Variants in CELF1 observed in about 807,000 individuals in gnomAD.
The protein encoded by CELF1 is 50 kDa nuclear polyadenylated RNA-binding protein.
A neutral mutation model predicts 61.8 loss-of-function variants in CELF1; 10 were observed. That is an observed-to-expected ratio of 0.16 (90% confidence interval 0.10 to 0.27). The LOEUF (loss-of-function observed/expected upper bound fraction) is 0.27, where lower values mean the gene tolerates loss of function less well. Ranked by LOEUF, CELF1 falls within the 10% of genes least tolerant of loss-of-function variation. The probability of loss-of-function intolerance (pLI) is 1.00; values close to 1 mark genes in which losing one functional copy is unlikely to be tolerated. For synonymous variants in CELF1, 236 were observed against 225.1 expected (o/e 1.05, Z -0.43); for missense variants, 380 against 639.1 (o/e 0.59, Z 4.37).
intron 1 of CELF1, among the ~76,000 whole-genome samples, chr11:47,536,405 C>T (rs778741129): frequency 8.5e-5 from 13 of 152,094 alleles, no homozygotes; most frequent in Non-Finnish European, 1.6e-4. Context: ...TAGATAGTTT[C>T]CCAATGCTAT....
At chr11:47,490,850 C>T (rs112299520) in intron 3 of CELF1, among the ~76,000 whole-genome samples, 2,422 of 151,684 alleles carry the variant, frequency 0.016, 51 homozygotes, top group African/African-American at 0.048. Context: ...CTTTTAATTA[C>T]TATATATTTT....
chr11:47,542,496 A>ATTTTT (rs112443041), intron 1 of CELF1, among the ~76,000 whole-genome samples: 1 of 121,808 alleles, frequency 8.2e-6, no homozygotes, highest in Admixed American at 8.5e-5. Flanking sequence ...TACTTTCTCC[A>ATTTTT]TTTTTTTTTT....
chr11:47,548,813 C>T (rs2153751686), intron 1 of CELF1, among the ~76,000 whole-genome samples: 1 of 137,492 alleles, frequency 7.3e-6, no homozygotes, highest in African/African-American at 2.7e-5. Context: ...TTGCAGTGAG[C>T]AGAGATCACA....
At chr11:47,533,752 G>A (rs2096551604) in intron 1 of CELF1, among the ~76,000 whole-genome samples, 1 of 139,828 alleles carries the variant, frequency 7.2e-6, no homozygotes, top group Non-Finnish European at 1.5e-5. Flanking sequence ...AGGGGTTACA[G>A]TGAGCTGAGA....
At chr11:47,508,910 C>G (rs2094794040) in intron 1 of CELF1, among the ~76,000 whole-genome samples, 1 of 152,070 alleles carries the variant, frequency 6.6e-6, no homozygotes, top group Admixed American at 6.6e-5. Context: ...GCTGGGATTA[C>G]AGGCATGCGC....
At chr11:47,528,318 A>C (rs1037579012) in intron 1 of CELF1, among the ~76,000 whole-genome samples, 1 of 152,152 alleles carries the variant, frequency 6.6e-6, no homozygotes, top group African/African-American at 2.4e-5. Context: ...TCATAAATTC[A>C]AAAAACTTCC....
chr11:47,499,625 A>T, intron 2 of CELF1, 21 bp from the exon 3 acceptor site: 2 of 918,552 alleles, frequency 2.2e-6, no homozygotes, highest in Non-Finnish European at 3.3e-6. Context: ...CAAAAAACAC[A>T]AAGTGGAAAC....
Position 47,520,821 on chromosome 11 carries a change from C to T in CELF1, c.-153-19889G>A, listed in dbSNP as rs75338972. On this transcript the variant is annotated intron_variant, in intron 1 of 14. Coordinates refer to ENST00000687097, the MANE Select transcript of CELF1 (RefSeq NM_001376376.1). Reference sequence around the variant, plus strand: ...GAACCAATCTCTTCCTGCGCTCCCCCCCGACCCAAAAAAGGCTAAAATTAA... The same window carrying T: ...GAACCAATCTCTTCCTGCGCTCCCCTCCGACCCAAAAAAGGCTAAAATTAA... Among the ~76,000 whole-genome samples, 889 of 151,808 alleles carry T rather than the reference C, an allele frequency of 5.9e-3. 8 individuals are homozygous for T. Among genetic ancestry groups the T allele is most frequent in the African/African-American group, 0.021 (852 of 41,416 alleles).
chr11:47,553,797 GAAAA>G (rs1210075332), upstream of CELF1, among the ~76,000 whole-genome samples: 1 of 140,446 alleles, frequency 7.1e-6, no homozygotes, highest in African/African-American at 2.5e-5. Flanking sequence ...TGCTTTTACC[GAAAA>G]AAAAATATAT....
chr11:47,487,083 G>A (rs2087821136), intron 5 of CELF1, 76 bp downstream of exon 5: 2 of 1,173,480 alleles, frequency 1.7e-6, no homozygotes, highest in Admixed American at 3.8e-5. Context: ...GGTTTTCAGT[G>A]TGTGTCTGAT....
chr11:47,499,400 A>G, intron 3 of CELF1, 53 bp downstream of exon 3: 1 of 1,400,726 alleles, frequency 7.1e-7, no homozygotes, highest in East Asian at 2.5e-5. Context: ...CAAATAAAGA[A>G]AACAGCCCAG....
intron 1 of CELF1, among the ~76,000 whole-genome samples, chr11:47,517,905 T>C (rs1407896617): frequency 6.6e-6 from 1 of 152,034 alleles, no homozygotes; most frequent in Admixed American, 6.6e-5. Context: ...CGACCTGAAG[T>C]GCTAGGATTA....
At chr11:47,473,895 G>T (rs1253984814) in intron 13 of CELF1, among the ~76,000 whole-genome samples, 1 of 142,836 alleles carries the variant, frequency 7.0e-6, no homozygotes, top group Non-Finnish European at 1.5e-5. Context: ...TACACTCAAT[G>T]ATTTTCTTTT....
At chr11:47,563,978 T>C (rs2097235318) in intron 2 of CELF1, among the ~76,000 whole-genome samples, 1 of 150,616 alleles carries the variant, frequency 6.6e-6, no homozygotes, top group Non-Finnish European at 1.5e-5. Flanking sequence ...GCACTCCAGC[T>C]TGGGTGACAA....
chr11:47,535,500 G>A (rs567281198), intron 1 of CELF1, among the ~76,000 whole-genome samples: 12 of 151,810 alleles, frequency 7.9e-5, no homozygotes, highest in Admixed American at 4.6e-4. Context: ...CCAACATGGA[G>A]AAACTCCGTC....
Position 47,486,766 on chromosome 11 carries a change from G to A in CELF1, c.375C>T (p.Asp125=). Reference sequence around the variant, plus strand: ...TTTGCTTACCATTGTTCTTCTCACTGTCAGCAGGTTTCATCTGTATAGGGT... The same window carrying A: ...TTTGCTTACCATTGTTCTTCTCACTATCAGCAGGTTTCATCTGTATAGGGT... The part of the protein sequence containing the change: ...MHHPIQMKPA[D]SEKNNAVEDR... Residue 125 remains aspartate, a synonymous_variant, in exon 6 of 15, where the codon GAC becomes GAT. Transcript: ENST00000687097. 1 of 1,612,654 alleles carries A rather than the reference G, an allele frequency of 6.2e-7. No individual in the cohort carries two copies. The highest frequency in any genetic ancestry group is 1.3e-5 in the African/African-American group (1 of 75,008).
intron 3 of CELF1, among the ~76,000 whole-genome samples, chr11:47,491,179 A>T (rs1158928910): frequency 6.9e-6 from 1 of 144,440 alleles, no homozygotes; most frequent in Non-Finnish European, 1.5e-5. Flanking sequence ...TTTATTTTTT[A>T]TTTGAGACAG....
chr11:47,558,819 T>A (rs1477227663), intron 2 of CELF1, among the ~76,000 whole-genome samples: 2 of 125,026 alleles, frequency 1.6e-5, no homozygotes, highest in African/African-American at 3.0e-5. Flanking sequence ...ATATATATAT[T>A]GCAGCCAATA....
chr11:47,475,493 G>A lies in CELF1; in HGVS notation c.1116C>T (p.Gly372=), dbSNP rs1361685137. Residue 372 remains glycine (G), a synonymous_variant, in exon 13 of 15, where the codon GGC becomes GGT. Coordinates refer to ENST00000687097, the MANE Select transcript of CELF1 (RefSeq NM_001376376.1). The stretch of plus-strand genomic sequence containing the variant: ...CGGTGCCATTGGAAAGGCCACTGCT[G>A]CCCAGGCCACCATTTAAAGCAGCCA... ...AGMAALNGGL[G]SSGLSNGTGS... is the part of the protein sequence containing the mutation. 1 of 1,613,976 alleles carries A rather than the reference G, an allele frequency of 6.2e-7. No individual in the cohort carries two copies. The highest frequency in any genetic ancestry group is 2.2e-5 in the East Asian group (1 of 44,882).
Sources: gnomAD v4.1 joint callset for allele counts (sites outside exome capture counted in the v4.1 genomes callset) on GRCh38, gnomAD v4.1.1 for gene constraint, MANE v1.5 for transcripts, NCBI Gene and HGNC (gene_info 2026-07-23, HGNC 2026-07-21) for gene names.